Variants in CYRIA observed in about 807,000 individuals in gnomAD.
CYRIA encodes the protein CYFIP related Rac1 interactor A.
CYRIA carries 15 observed loss-of-function variants against 43.9 expected under a neutral mutation model. The ratio of observed to expected loss-of-function variants is 0.34; its 90% CI spans 0.23 to 0.53. The LOEUF (loss-of-function observed/expected upper bound fraction) is 0.53. Ranked by LOEUF, CYRIA falls within the 20% of genes least tolerant of loss-of-function variation. The probability of loss-of-function intolerance (pLI) is 0.94; values close to 1 mark genes in which losing one functional copy is unlikely to be tolerated. For synonymous variants in CYRIA, 117 were observed against 136.0 expected, an observed-to-expected ratio of 0.86 and a Z score of 0.97; for missense variants, 236 against 394.2, an observed-to-expected ratio of 0.60 and a Z score of 3.40.
chr2:16,579,312 A>T (rs1667464081), intron 3 of CYRIA, among the ~76,000 whole-genome samples: 1 of 152,108 alleles, frequency 6.6e-6, no homozygotes, highest in Admixed American at 6.6e-5. Context: ...GACTTGGATA[A>T]AATGACACCA....
At chr2:16,616,869 G>A (rs1379029238) in intron 2 of CYRIA, among the ~76,000 whole-genome samples, 1 of 152,242 alleles carries the variant, frequency 6.6e-6, no homozygotes, top group Non-Finnish European at 1.5e-5. Flanking sequence ...TTAGAGATGA[G>A]GAAACTGTCC....
chr2:16,629,794 A>G lies in CYRIA; in HGVS notation c.-166-5775T>C, dbSNP rs144702443. Among the ~76,000 whole-genome samples the G allele has an allele frequency of 4.0e-3, 610 of 152,352 alleles. 5 individuals are homozygous for G. The highest frequency in any genetic ancestry group is 6.6e-3 in the Non-Finnish European group (449 of 68,024). ...TGTGCACAGGTTGTGGGAATTAGGG[A>G]ATGCACTTATCTTCTTACGGGTTAC... is the stretch of plus-strand genomic sequence containing the variant. On this transcript the variant is annotated intron_variant, in intron 1 of 11. Coordinates refer to ENST00000381323, the MANE Select transcript of CYRIA (RefSeq NM_030797.4).
chr2:16,638,264 C>T (rs1269004619), intron 1 of CYRIA, among the ~76,000 whole-genome samples: 1 of 152,180 alleles, frequency 6.6e-6, no homozygotes, highest in Non-Finnish European at 1.5e-5. Flanking sequence ...GGTATGGTAC[C>T]TCCATCTTGT....
intron 2 of CYRIA, among the ~76,000 whole-genome samples, chr2:16,611,407 T>C (rs1018149472): frequency 6.6e-6 from 1 of 152,056 alleles, no homozygotes; most frequent in Admixed American, 6.6e-5. Flanking sequence ...AAGAAATAAA[T>C]ACATGAGCAT....
At chr2:16,574,870 C>T (rs1667277393) in intron 3 of CYRIA, among the ~76,000 whole-genome samples, 1 of 152,138 alleles carries the variant, frequency 6.6e-6, no homozygotes, top group South Asian at 2.1e-4. Flanking sequence ...GGGACGGGTA[C>T]CCCCACACAG....
At chr2:16,604,288 G>A (rs191236401) in intron 2 of CYRIA, among the ~76,000 whole-genome samples, 116 of 152,316 alleles carry the variant, frequency 7.6e-4, no homozygotes, top group African/African-American at 2.8e-3. Context: ...TTATCAGCAA[G>A]GTTCAGAGTT....
At chr2:16,632,687 G>C (rs1459047093) in intron 1 of CYRIA, among the ~76,000 whole-genome samples, 1 of 152,172 alleles carries the variant, frequency 6.6e-6, no homozygotes, top group Non-Finnish European at 1.5e-5. Context: ...AAGCGGGAGA[G>C]AGTCAGAGTC....
At chr2:16,602,203 A>C (rs1351459295) in intron 2 of CYRIA, among the ~76,000 whole-genome samples, 1 of 152,248 alleles carries the variant, frequency 6.6e-6, no homozygotes, top group Non-Finnish European at 1.5e-5. Context: ...ACAGATAAGA[A>C]GACCTCTATC....
chr2:16,632,010 C>G (rs1669342496), intron 1 of CYRIA, among the ~76,000 whole-genome samples: 1 of 152,214 alleles, frequency 6.6e-6, no homozygotes, highest in South Asian at 2.1e-4. Context: ...CACCTCAAAG[C>G]TTCCCAGTGC....
chr2:16,660,174 G>T (rs1237247176), intron 1 of CYRIA, among the ~76,000 whole-genome samples: 1 of 152,162 alleles, frequency 6.6e-6, no homozygotes, highest in Non-Finnish European at 1.5e-5. Context: ...GAGCTTATTA[G>T]AATCATCAGG....
chr2:16,584,662 G>T (rs774847786), intron 3 of CYRIA, among the ~76,000 whole-genome samples: 1 of 152,096 alleles, frequency 6.6e-6, no homozygotes, highest in Non-Finnish European at 1.5e-5. Flanking sequence ...CATTTCATCC[G>T]CCGTTTCTCT....
intron 1 of CYRIA, among the ~76,000 whole-genome samples, chr2:16,655,766 T>C (rs1177955930): frequency 6.6e-6 from 1 of 152,174 alleles, no homozygotes; most frequent in African/African-American, 2.4e-5. Context: ...ATTGAATGCA[T>C]TCTTGGTCTT....
At chr2:16,573,471 T>C (rs1313734480) in intron 3 of CYRIA, among the ~76,000 whole-genome samples, 1 of 152,166 alleles carries the variant, frequency 6.6e-6, no homozygotes, top group African/African-American at 2.4e-5. Context: ...AAATCCAGAA[T>C]TGAAGACAGA....
intron 2 of CYRIA, among the ~76,000 whole-genome samples, chr2:16,619,729 G>A (rs1668934204): frequency 6.6e-6 from 1 of 152,204 alleles, no homozygotes; most frequent in Non-Finnish European, 1.5e-5. Flanking sequence ...GGAGGATGAG[G>A]AGGTGGCTAC....
intron 1 of CYRIA, among the ~76,000 whole-genome samples, chr2:16,665,141 C>T (rs1370716014): frequency 6.6e-6 from 1 of 152,192 alleles, no homozygotes; most frequent in Non-Finnish European, 1.5e-5. Context: ...CATGGCTGGC[C>T]TGGGACCAGC....
chr2:16,638,693 T>G (rs947758842), intron 1 of CYRIA, among the ~76,000 whole-genome samples: 2 of 152,180 alleles, frequency 1.3e-5, no homozygotes, highest in Non-Finnish European at 2.9e-5. Context: ...TAAAGGAATC[T>G]GCATTTTGAA....
intron 2 of CYRIA, among the ~76,000 whole-genome samples, chr2:16,615,553 C>T (rs759420984): frequency 6.7e-6 from 1 of 148,600 alleles, no homozygotes; most frequent in African/African-American, 2.6e-5. Flanking sequence ...GAAGTCTTCA[C>T]TCTTTCTACA....
intron 2 of CYRIA, among the ~76,000 whole-genome samples, chr2:16,601,736 C>T (rs1668217166): frequency 6.7e-6 from 1 of 148,986 alleles, no homozygotes. Context: ...AGAGAGAATT[C>T]ATATATGCAG....
intron 2 of CYRIA, among the ~76,000 whole-genome samples, chr2:16,616,717 C>T (rs577791456): frequency 1.1e-4 from 17 of 152,344 alleles, no homozygotes; most frequent in South Asian, 6.2e-4. Flanking sequence ...AAAATTCAAC[C>T]GAGGCTTTAA....
Sources: gnomAD v4.1 joint callset for allele counts (sites outside exome capture counted in the v4.1 genomes callset) on GRCh38, gnomAD v4.1.1 for gene constraint, MANE v1.5 for transcripts, NCBI Gene and HGNC (gene_info 2026-07-23, HGNC 2026-07-21) for gene names.